Variants in LRP4 observed in about 807,000 individuals in gnomAD.
The protein encoded by LRP4 is LDL receptor related protein 4.
A neutral mutation model predicts 220.3 loss-of-function variants in LRP4; 95 were observed. The ratio of observed to expected loss-of-function variants is 0.43; its 90% confidence interval spans 0.37 to 0.51. The LOEUF is 0.51. Among genes scored for constraint, LRP4 ranks in the 20% least tolerant of loss-of-function variants. The pLI, the probability that LRP4 is intolerant of heterozygous loss-of-function variation, is 0.00. For synonymous variants in LRP4, 903 were observed against 954.6 expected, an observed-to-expected ratio of 0.95 and a Z score of 1.00; for missense variants, 1,925 against 2,567.0, an observed-to-expected ratio of 0.75 and a Z score of 5.40.
chr11:46,899,410 T>C lies in LRP4; in HGVS notation c.524A>G (p.Asp175Gly). ...WYCDGDTDCK[D>G]GSDEENCPSA... ...ACGACAGTTCTCCTCATCGGAGCCATCTTTGCAGTCGGTGTCACCGTCGCA... is the reference window on the plus strand; with the variant it reads ...ACGACAGTTCTCCTCATCGGAGCCACCTTTGCAGTCGGTGTCACCGTCGCA... The change falls in exon 5 of 38, where the codon GAT (aspartate) becomes GGT (glycine). Residue 175 changes from aspartate to glycine, a missense_variant. By Grantham distance (94) the Asp-to-Gly change is moderately conservative. Around this residue, in one of 3 missense-constraint regions of LRP4, gnomAD observed 412 missense variants for 505.4 expected, o/e 0.82. Transcript: ENST00000378623. The surrounding 1 kb of genome is among the most constrained non-coding windows in gnomAD (Gnocchi z 5.9). The C allele has an allele frequency of 6.2e-7, 1 of 1,614,050 alleles. No homozygotes were observed. Among genetic ancestry groups the C allele is most frequent in the South Asian group, 1.1e-5 (1 of 91,086 alleles).
rs772268821 is a variant in LRP4, at chr11:46,862,751, T to A, written c.5244-4A>T. On this transcript the variant is annotated splice_region_variant and splice_polypyrimidine_tract_variant and intron_variant, in intron 36 of 37. Coordinates refer to ENST00000378623, the MANE Select transcript of LRP4 (RefSeq NM_002334.4). ...AGTGAACTTGGATTTTTTGTGTCTT[T>A]AGGAGGGAAGGTGATGAGAAATTAG... The A allele has an allele frequency of 2.5e-6, 4 of 1,613,754 alleles. No homozygotes were observed. In the Admixed American group the frequency reaches 6.7e-5, roughly 27 times the overall value.
chr11:46,897,202 A>G (rs1202017372), intron 7 of LRP4, among the ~76,000 whole-genome samples: 6 of 152,158 alleles, frequency 3.9e-5, no homozygotes, highest in African/African-American at 1.2e-4. Context: ...TGCCATGATG[A>G]GTATATAAAT....
At chr11:46,882,727 G>C (rs1941191531) in intron 19 of LRP4, among the ~76,000 whole-genome samples, 1 of 151,746 alleles carries the variant, frequency 6.6e-6, no homozygotes, top group Admixed American at 6.6e-5. Context: ...ATTGTGGTCT[G>C]TGCCTGCAGT....
chr11:46,875,825 T>C lies in LRP4; in HGVS notation c.3678A>G (p.Leu1226=). Residue 1226 remains leucine, a synonymous_variant, in exon 26 of 38, where the codon CTA becomes CTG. Coordinates refer to ENST00000378623, the MANE Select transcript of LRP4 (RefSeq NM_002334.4). This position sits in a 1 kb window ranked among gnomAD's most constrained non-coding sequence, Gnocchi z 4.5. ...LTVDKASSQL[L]WADAHTERIE... is the part of the protein sequence containing the mutation. ...TCACCTCGGTGTGGGCATCGGCCCA[T>C]AGCAGTTGGGAGCTGGCCTTGTCCA... 1.2e-6 allele frequency: 2 copies of C among 1,614,060 alleles called. No individual in the cohort carries two copies. Among genetic ancestry groups the C allele is most frequent in the African/African-American group, 1.3e-5 (1 of 74,990 alleles).
intron 36 of LRP4, among the ~76,000 whole-genome samples, chr11:46,863,778 T>TA (rs1565774908): frequency 6.6e-6 from 1 of 150,638 alleles, no homozygotes; most frequent in Non-Finnish European, 1.5e-5. Context: ...AGACAAAAAT[T>TA]AAAAAAAATA....
chr11:46,864,397 T>C (rs1158946189), intron 36 of LRP4, 51 bp downstream of exon 36: 4 of 1,321,154 alleles, frequency 3.0e-6, no homozygotes, highest in Non-Finnish European at 4.4e-6. Flanking sequence ...ATCCCAGACA[T>C]GCTCATGAAG....
intron 20 of LRP4, among the ~76,000 whole-genome samples, 162 bp downstream of exon 20, chr11:46,881,540 A>G (rs962082792): frequency 1.3e-5 from 2 of 152,172 alleles, no homozygotes; most frequent in African/African-American, 4.8e-5. Flanking sequence ...GACAGCACCT[A>G]CAGCCTCAGA....
Position 46,879,195 on chromosome 11 carries a change from G to T in LRP4, c.2935C>A (p.Arg979=). The change falls in exon 21 of 38, where the codon CGG becomes AGG. Residue 979 remains arginine (R), a synonymous_variant. Transcript: ENST00000378623. ...TCCAGGTTCTCCTGCAGAGTCTCCC[G>T]GTCCAGCCCTGTCAGCCGGTCAGCG... ...QSADRLTGLD[R]ETLQENLENL... 1.2e-6 allele frequency: 2 copies of T among 1,614,228 alleles called. No homozygotes were observed. The highest frequency in any genetic ancestry group is 1.7e-6 in the Non-Finnish European group (2 of 1,180,052).
chr11:46,895,650 G>A (rs1025438291), intron 10 of LRP4, among the ~76,000 whole-genome samples: 4 of 152,184 alleles, frequency 2.6e-5, no homozygotes, highest in Non-Finnish European at 5.9e-5. Flanking sequence ...GACCTGGGCT[G>A]GAATCCCAAC....
At chr11:46,913,234 A>C (rs1158984022) in intron 1 of LRP4, among the ~76,000 whole-genome samples, 1 of 152,236 alleles carries the variant, frequency 6.6e-6, no homozygotes, top group African/African-American at 2.4e-5. Context: ...AGAGGCGCCC[A>C]AGGGCACCTA....
rs181320426 is a variant in LRP4, at chr11:46,885,941, C to A, written c.2506+150G>T. The A allele has an allele frequency of 1.5e-5, 11 of 738,444 alleles. No homozygotes were observed. The Admixed American group carries it at 2.1e-4, about 14-fold the overall frequency. The allele number at this position is 738,444 out of a possible 1,614,324, so 45.7% of individuals were successfully genotyped here. A position where few individuals can be genotyped will look rare whatever the true frequency, so the allele number is the denominator to read the frequency against. ...GTGGGAGCTTCTCACTTCGGCTCTG[C>A]AGCAGCCCTCCGGCTTCTGACCTAC... On this transcript the variant is annotated intron_variant, in intron 18 of 37. Coordinates refer to ENST00000378623, the MANE Select transcript of LRP4 (RefSeq NM_002334.4).
intron 35 of LRP4, 51 bp from the exon 36 acceptor site, chr11:46,864,586 G>A (rs775164680): frequency 1.1e-4 from 138 of 1,231,208 alleles, no homozygotes; most frequent in Non-Finnish European, 1.5e-4. Context: ...ACTTTCTAGC[G>A]GTGCTGGTGT....
intron 7 of LRP4, 113 bp downstream of exon 7, chr11:46,898,445 C>T (rs1941588988): frequency 6.7e-7 from 1 of 1,483,722 alleles, no homozygotes; most frequent in African/African-American, 1.4e-5. Flanking sequence ...CTTGGTCTCC[C>T]AAAGTGCTGG....
Position 46,874,854 on chromosome 11 carries a change from T to C in LRP4, c.4175A>G (p.Tyr1392Cys), listed in dbSNP as rs2134793655. ...PELNNVISLDYDSVDGKVYYT... is the reference protein window; with the variant it reads ...PELNNVISLDCDSVDGKVYYT... ...ATAGACCTTTCCATCCACGCTGTCA[T>C]AGTCCAGGGAGATGACATTGTTGAG... The change falls in exon 28 of 38, where the codon TAT becomes TGT. Residue 1392 changes from tyrosine to cysteine, a missense_variant. Tyr to Cys is a radical substitution (Grantham distance 194). Transcript: ENST00000378623. 1 of 1,614,190 alleles carries C rather than the reference T, an allele frequency of 6.2e-7. No homozygotes were observed. The highest frequency in any genetic ancestry group is 2.2e-5 in the East Asian group (1 of 44,892).
In LRP4 at chr11:46,876,615, G is replaced by A. The variant is rs2134800312; in HGVS notation, c.3387C>T (p.Leu1129=). The A allele has an allele frequency of 5.6e-6, 9 of 1,614,174 alleles. No homozygotes were observed. The highest frequency in any genetic ancestry group is 2.2e-5 in the South Asian group (2 of 91,080). Reference sequence around the variant, plus strand: ...CTTTCCGGCCAATGGCATCAACCGCGAGCCCATCTGTGGTCTGTAGCCCTG... The same window carrying A: ...CTTTCCGGCCAATGGCATCAACCGCAAGCCCATCTGTGGTCTGTAGCCCTG... ...ITTGLQTTDG[L]AVDAIGRKVY... The change falls in exon 25 of 38, where the codon CTC becomes CTT. Residue 1129 remains leucine (L), a synonymous_variant. Coordinates refer to ENST00000378623, the MANE Select transcript of LRP4 (RefSeq NM_002334.4).
chr11:46,882,495 A>G (rs898109680), intron 19 of LRP4, among the ~76,000 whole-genome samples: 1 of 151,942 alleles, frequency 6.6e-6, no homozygotes, highest in Non-Finnish European at 1.5e-5. Flanking sequence ...AGAAAAAAAC[A>G]AAAAGAGAAA....
rs1167548972 is a variant in LRP4, at chr11:46,892,957, C to G, written c.1697+16G>C. Reference sequence around the variant, plus strand: ...AGAGGTTGCAAGAAAGTTCGGGAGCCTGAGATACAACTTACCCCTCCATGG... The same window carrying G: ...AGAGGTTGCAAGAAAGTTCGGGAGCGTGAGATACAACTTACCCCTCCATGG... On this transcript the variant is annotated intron_variant, in intron 13 of 37. Coordinates refer to ENST00000378623, the MANE Select transcript of LRP4 (RefSeq NM_002334.4). 6 of 1,611,950 alleles carry G rather than the reference C, an allele frequency of 3.7e-6. No homozygotes were observed. Among genetic ancestry groups the G allele is most frequent in the Non-Finnish European group, 5.1e-6 (6 of 1,179,694 alleles).
At chr11:46,906,196 C>T (rs1941756905) in intron 1 of LRP4, among the ~76,000 whole-genome samples, 1 of 152,170 alleles carries the variant, frequency 6.6e-6, no homozygotes, top group African/African-American at 2.4e-5. Context: ...TGGCTCATGC[C>T]TATAATCCTA....
rs145557677 is a variant in LRP4, at chr11:46,883,948, T to C, written c.2535A>G (p.Thr845=). ...AGTDRIEVAN[T]DGSMRTVLIW... is the part of the protein sequence containing the mutation. ...TGAGTACTGTTCTCATGCTGCCATC[T>C]GTGTTGGCTACTTCAATCCGGTCTG... The change falls in exon 19 of 38, where the codon ACA becomes ACG. Residue 845 remains threonine, a synonymous_variant. Transcript: ENST00000378623. 8 of 1,614,130 alleles carry C rather than the reference T, an allele frequency of 5.0e-6. No individual in the cohort carries two copies. Among genetic ancestry groups the C allele is most frequent in the Non-Finnish European group, 6.8e-6 (8 of 1,179,928 alleles).
Sources: allele counts gnomAD v4.1 joint callset (sites outside exome capture counted in the v4.1 genomes callset), GRCh38; gene constraint gnomAD v4.1.1; regional missense constraint gnomAD v4.1.1; non-coding constraint Gnocchi (gnomAD v3.1); transcripts MANE v1.5; gene names NCBI Gene and HGNC (gene_info 2026-07-23, HGNC 2026-07-21).